The following NBEAL2 variants were observed in gnomAD, a reference collection of about 807,000 sequenced individuals.
The protein encoded by NBEAL2 is neurobeachin like 2, also known as neurobeachin-like protein 2.
A neutral mutation model predicts 299.8 loss-of-function variants in NBEAL2; 160 were observed. The ratio of observed to expected loss-of-function variants is 0.53; its 90% CI spans 0.47 to 0.61. NBEAL2 has a LOEUF of 0.61. Among genes scored for constraint, NBEAL2 ranks in the 20% least tolerant of loss-of-function variants. NBEAL2 has a pLI of 0.00. For missense variants in NBEAL2, 3,112 were observed against 3,649.0 expected (o/e 0.85, Z 3.79); for synonymous variants, 1,493 against 1,542.3 (o/e 0.97, Z 0.75).
At chr3:46,999,228 C>T (rs868779885) in intron 24 of NBEAL2, 87 bp from the exon 25 acceptor site, 1 of 1,543,008 alleles carries the variant, frequency 6.5e-7, no homozygotes, top group Non-Finnish European at 8.8e-7. Context: ...CTTCAAGGGC[C>T]TCTTGAGCCA....
chr3:46,981,875 C>T (rs2035370583), intron 1 of NBEAL2: 1 of 152,392 alleles, frequency 6.6e-6, no homozygotes, highest in East Asian at 1.9e-4. Flanking sequence ...CCCATCCCCT[C>T]AGGAGGTGGT....
intron 52 of NBEAL2, 120 bp from the exon 53 acceptor site, chr3:47,008,869 G>A: frequency 1.3e-6 from 2 of 1,491,802 alleles, no homozygotes; most frequent in African/African-American, 1.4e-5. Flanking sequence ...TTGTGTATAA[G>A]AATTTCAATT....
chr3:47,008,034 A>C (rs752389405), intron 49 of NBEAL2, 36 bp from the exon 50 acceptor site: 1 of 1,606,374 alleles, frequency 6.2e-7, no homozygotes, highest in Non-Finnish European at 8.5e-7. Context: ...CCTGAGCCTC[A>C]GGGGACAGTC....
Position 47,005,814 on chromosome 3 carries a change from T to C in NBEAL2, c.6768T>C (p.Pro2256=). ...TGCTACCCCCGTGGGCCAGCTCTCC[T>C]GAGGACTTCATCCAGCAGCACCGCC... ...DVVLPPWASS[P]EDFIQQHRQA... The change falls in exon 42 of 54, where the codon CCT becomes CCC. Residue 2256 remains proline, a synonymous_variant. Coordinates refer to ENST00000450053, the MANE Select transcript of NBEAL2 (RefSeq NM_015175.3). 6.2e-7 allele frequency: 1 copy of C among 1,613,298 alleles called. No individual in the cohort carries two copies. The highest frequency in any genetic ancestry group is 8.5e-7 in the Non-Finnish European group (1 of 1,179,828).
At chr3:46,980,447 A>C (rs1234360752) in intron 1 of NBEAL2, among the ~76,000 whole-genome samples, 1 of 152,014 alleles carries the variant, frequency 6.6e-6, no homozygotes, top group African/African-American at 2.4e-5. Flanking sequence ...GCATCCCCCC[A>C]CACCCCAGCG....
rs756599473 is a variant in NBEAL2, at chr3:47,001,806, A to G, written c.4762A>G (p.Ile1588Val). ...QIGLRLVLGY[I>V]LLEDPQLHAQ... is the part of the protein sequence containing the mutation. ...TGGCCTACGGCTTGTACTTGGCTACATCCTGCTGGAAGACCCACAGGTGAG... is the reference window on the plus strand; with the variant it reads ...TGGCCTACGGCTTGTACTTGGCTACGTCCTGCTGGAAGACCCACAGGTGAG... The change falls in exon 30 of 54, where the codon ATC becomes GTC. Residue 1588 changes from isoleucine to valine, a missense_variant. This residue lies in a region of NBEAL2 where 2,243 missense variants were observed against 2,538.1 expected (regional missense o/e 0.88). Coordinates refer to ENST00000450053, the MANE Select transcript of NBEAL2 (RefSeq NM_015175.3). The surrounding 1 kb of genome is among the most constrained non-coding windows in gnomAD (Gnocchi z 6.1). 1 of 1,613,752 alleles carries G rather than the reference A, an allele frequency of 6.2e-7. No homozygotes were observed. The highest frequency in any genetic ancestry group is 8.5e-7 in the Non-Finnish European group (1 of 1,179,880).
At position 47,001,751 on chromosome 3, in the gene NBEAL2, C is replaced by T. The variant is rs770611878; in HGVS notation, c.4707C>T (p.Gly1569=). The T allele has an allele frequency of 6.2e-7, 1 of 1,613,940 alleles. No individual in the cohort carries two copies. The highest frequency in any genetic ancestry group is 1.1e-5 in the South Asian group (1 of 91,084). Residue 1569 remains glycine (G), a synonymous_variant, in exon 30 of 54, where the codon GGC becomes GGT. Transcript: ENST00000450053. The surrounding 1 kb of genome is among the most constrained non-coding windows in gnomAD (Gnocchi z 6.1). ...GAGCCTGGCCCCACCTGGCCAACGG[C>T]ACAGCTGATCTCCGTGAGATGGCGC... ...RLGAWPHLAN[G]TADLREMAQI...
rs756484174 is a variant in NBEAL2 at position 46,995,102 on chromosome 3, C to T, written c.1367C>T (p.Ala456Val). 1.7e-5 allele frequency: 27 copies of T among 1,571,496 alleles called. No individual in the cohort carries two copies. The highest frequency in any genetic ancestry group is 2.3e-5 in the South Asian group (2 of 85,776). The change falls in exon 13 of 54, where the codon GCG (alanine) becomes GTG (valine). Residue 456 changes from alanine to valine, a missense_variant. Coordinates refer to ENST00000450053, the MANE Select transcript of NBEAL2 (RefSeq NM_015175.3). Reference sequence around the variant, plus strand: ...AACGAGCAGCCGGTACTGGTGCTGGCGCAGTGGCTGCCGTCATTGCCCACC... The same window carrying T: ...AACGAGCAGCCGGTACTGGTGCTGGTGCAGTGGCTGCCGTCATTGCCCACC... ...IRNEQPVLVL[A>V]QWLPSLPTAE...
Position 47,007,228 on chromosome 3 carries a change from C to A in NBEAL2, c.7225-13C>A, listed in dbSNP as rs1441117982. Reference sequence around the variant, plus strand: ...TCTGCCAGAAACCCACCTCTGCCCCCTCCTGCCTGCAGGTGACTGTGAGTG... The same window carrying A: ...TCTGCCAGAAACCCACCTCTGCCCCATCCTGCCTGCAGGTGACTGTGAGTG... On this transcript the variant is annotated splice_polypyrimidine_tract_variant and intron_variant, in intron 46 of 53. Coordinates refer to ENST00000450053, the MANE Select transcript of NBEAL2 (RefSeq NM_015175.3). The A allele has an allele frequency of 1.2e-6, 2 of 1,610,638 alleles. No homozygotes were observed. Among genetic ancestry groups the A allele is most frequent in the African/African-American group, 1.3e-5 (1 of 74,948 alleles).
Position 47,003,158 on chromosome 3 carries a change from C to T in NBEAL2, c.5585-16C>T. The T allele has an allele frequency of 1.9e-6, 3 of 1,605,482 alleles. No individual in the cohort carries two copies. The highest frequency in any genetic ancestry group is 2.6e-6 in the Non-Finnish European group (3 of 1,174,148). ...GTCCTGCCTTGCTTCTGCTGAGTAC[C>T]CTTGGCCCCTTGCAGGTGAGGTTCC... On this transcript the variant is annotated splice_polypyrimidine_tract_variant and intron_variant, in intron 34 of 53. Coordinates refer to ENST00000450053, the MANE Select transcript of NBEAL2 (RefSeq NM_015175.3). The surrounding 1 kb of genome is among the most constrained non-coding windows in gnomAD (Gnocchi z 7.0).
Position 46,999,120 on chromosome 3 carries a change from A to T in NBEAL2, c.3543+3A>T. The T allele has an allele frequency of 6.4e-7, 1 of 1,568,514 alleles. No homozygotes were observed. On this transcript the variant is annotated splice_donor_region_variant and intron_variant, in intron 24 of 53. Coordinates refer to ENST00000450053, the MANE Select transcript of NBEAL2 (RefSeq NM_015175.3). ...TGCTGCCCGATCGAGTCTGCAAGGT[A>T]CACCCAGCCCACCCCCTCCCCTGGC... is the stretch of plus-strand genomic sequence containing the variant.
At position 47,007,268 on chromosome 3, in the gene NBEAL2, G is replaced by C; in HGVS notation, c.7252G>C (p.Gly2418Arg). 6.2e-7 allele frequency: 1 copy of C among 1,612,560 alleles called. No homozygotes were observed. The highest frequency in any genetic ancestry group is 8.5e-7 in the Non-Finnish European group (1 of 1,179,384). ...GACTGTGAGTGCCAGTGGGCTGCTGGGCACCCACAGCTGGTTGCCCTATGA... is the reference window on the plus strand; with the variant it reads ...GACTGTGAGTGCCAGTGGGCTGCTGCGCACCCACAGCTGGTTGCCCTATGA... ...LVTVSASGLL[G>R]THSWLPYDRN... The change falls in exon 47 of 54, where the codon GGC becomes CGC. Residue 2418 changes from glycine to arginine, a missense_variant. Around this residue, in one of 3 missense-constraint regions of NBEAL2, gnomAD observed 521 missense variants for 729.6 expected, o/e 0.71. Coordinates refer to ENST00000450053, the MANE Select transcript of NBEAL2 (RefSeq NM_015175.3).
At chr3:47,008,745 C>G (rs2037654319) in intron 52 of NBEAL2, 77 bp downstream of exon 52, 6 of 1,578,288 alleles carry the variant, frequency 3.8e-6, no homozygotes, top group Non-Finnish European at 5.2e-6. Flanking sequence ...TAGGAACCCA[C>G]ACACCATACA....
intron 48 of NBEAL2, 31 bp downstream of exon 48, chr3:47,007,728 AG>A (rs1440871759): frequency 2.5e-6 from 4 of 1,608,652 alleles, no homozygotes; most frequent in Non-Finnish European, 3.4e-6. Flanking sequence ...GGGGAGAATG[AG>A]GCACACAGGT....
rs770469924 is a variant in NBEAL2, at chr3:47,008,147, C to T, written c.7680C>T (p.Ala2560=). The T allele has an allele frequency of 4.3e-6, 7 of 1,613,998 alleles. No homozygotes were observed. In the Admixed American group the frequency reaches 5.0e-5, roughly 12 times the overall value. ...YGHGAAVSCV[A]ISTELDMAVS... ...ATGGGGCTGCAGTGAGCTGTGTGGC[C>T]ATCAGCACTGAACTTGACATGGCTG... Residue 2560 remains alanine (A), a synonymous_variant, in exon 50 of 54, where the codon GCC becomes GCT. Transcript: ENST00000450053.
chr3:46,991,995 G>T lies in NBEAL2; in HGVS notation c.1032+49G>T. On this transcript the variant is annotated intron_variant, in intron 9 of 53. Transcript: ENST00000450053. This position sits in a 1 kb window ranked among gnomAD's most constrained non-coding sequence, Gnocchi z 6.2. The stretch of plus-strand genomic sequence containing the variant: ...TGAGGGTCTGGAAGCCAGAGGCTAG[G>T]GGAGCCACGCATAGGTGCCAGGCTG... The T allele has an allele frequency of 6.7e-7, 1 of 1,485,716 alleles. No individual in the cohort carries two copies. Among genetic ancestry groups the T allele is most frequent in the East Asian group, 2.4e-5 (1 of 41,090 alleles). The allele number at this position is 1,485,716 out of a possible 1,614,324, so 92.0% of individuals were successfully genotyped here. A position where few individuals can be genotyped will look rare whatever the true frequency, so the allele number is the denominator to read the frequency against.
rs201960379 is a variant in NBEAL2 at position 46,998,039 on chromosome 3, C to T, written c.2959-28C>T. The T allele has an allele frequency of 3.2e-6, 5 of 1,543,654 alleles. No individual in the cohort carries two copies. The African/African-American group carries it at 6.9e-5, about 21-fold the overall frequency. On this transcript the variant is annotated intron_variant, in intron 20 of 53. Coordinates refer to ENST00000450053, the MANE Select transcript of NBEAL2 (RefSeq NM_015175.3). ...GACAGCAGACAGGCAGAGCCTGAGC[C>T]CTCACTCCAGCTCCTGTCTTATCCC...
chr3:47,002,977 G>A lies in NBEAL2; in HGVS notation c.5480G>A (p.Trp1827Ter), dbSNP rs1314845836. 1 of 1,613,352 alleles carries A rather than the reference G, an allele frequency of 6.2e-7. No individual in the cohort carries two copies. The highest frequency in any genetic ancestry group is 1.7e-5 in the Admixed American group (1 of 60,006). The change falls in exon 34 of 54, where the codon TGG becomes TAG. Residue 1827 changes from tryptophan (W) to a stop codon, truncating the protein, a stop_gained. Coordinates refer to ENST00000450053, the MANE Select transcript of NBEAL2 (RefSeq NM_015175.3). LOFTEE classifies it high-confidence loss of function. ...TGCAGGGACACTCCCATCCCCCGCT[G>A]GAAACTGTCCAGCGCCGAGACATAT... is the stretch of plus-strand genomic sequence containing the variant. Reference protein sequence around the residue: ...WALRDTPIPRWKLSSAETYSR... With the variant: ...WALRDTPIPR
chr3:46,980,245 G>A lies in NBEAL2; in HGVS notation c.51+333G>A, dbSNP rs545573196. 2.2e-4 allele frequency among the ~76,000 whole-genome samples: 34 copies of A among 152,332 alleles called. 1 individual carries two copies. The highest frequency in any genetic ancestry group is 7.0e-4 in the African/African-American group (29 of 41,584). On this transcript the variant is annotated intron_variant, in intron 1 of 53. Transcript: ENST00000450053. ...GGACACTTGGCCTTTTTACAAATGG[G>A]GAAACTGAGACCTGGAGAGACCTGG... is the stretch of plus-strand genomic sequence containing the variant.
Sources: allele counts gnomAD v4.1 joint callset (sites outside exome capture counted in the v4.1 genomes callset), GRCh38; gene constraint gnomAD v4.1.1; regional missense constraint gnomAD v4.1.1; non-coding constraint Gnocchi (gnomAD v3.1); transcripts MANE v1.5; gene names NCBI Gene and HGNC (gene_info 2026-07-23, HGNC 2026-07-21).